Variants in RBFOX1 observed in about 807,000 individuals in gnomAD.
The protein encoded by RBFOX1 is RNA binding fox-1 homolog 1, also known as RNA binding protein fox-1 homolog 1.
RBFOX1 carries 8 observed loss-of-function variants against 57.7 expected under a neutral mutation model. The observed-to-expected ratio is 0.14, with a 90% CI of 0.08 to 0.25. The LOEUF is 0.25. RBFOX1 is among the 10% of genes least tolerant of loss of function. The pLI is 1.00. For synonymous variants in RBFOX1, 326 were observed against 222.4 expected, an observed-to-expected ratio of 1.47 and a Z score of -4.15; for missense variants, 611 against 548.5, an observed-to-expected ratio of 1.11 and a Z score of -1.14.
intron 1 of RBFOX1, among the ~76,000 whole-genome samples, chr16:6,102,725 T>C (rs1285943154): frequency 6.6e-6 from 1 of 152,234 alleles, no homozygotes; most frequent in Non-Finnish European, 1.5e-5. Flanking sequence ...TTTCCAAGTG[T>C]GTTACCTTTA....
chr16:7,058,005 GGAAA>G (rs2052964168), intron 4 of RBFOX1, among the ~76,000 whole-genome samples: 7 of 121,604 alleles, frequency 5.8e-5, no homozygotes, highest in East Asian at 2.4e-4. Flanking sequence ...GAGACTGTGG[GGAAA>G]AAAAAAAAAA....
chr16:5,451,359 G>A (rs1214145609), intron 1 of RBFOX1, among the ~76,000 whole-genome samples: 3 of 152,292 alleles, frequency 2.0e-5, no homozygotes, highest in Admixed American at 1.3e-4. Flanking sequence ...CCACTGTGGC[G>A]AAAAATAATG....
intron 1 of RBFOX1, among the ~76,000 whole-genome samples, chr16:6,093,873 G>C (rs562245537): frequency 6.6e-5 from 10 of 151,482 alleles, no homozygotes; most frequent in Admixed American, 6.6e-4. Flanking sequence ...TCCCTCCTCC[G>C]CCTCCCAAAG....
chr16:7,193,935 A>G (rs2086054982), intron 4 of RBFOX1, among the ~76,000 whole-genome samples: 2 of 152,168 alleles, frequency 1.3e-5, no homozygotes, highest in Admixed American at 1.3e-4. Flanking sequence ...AAAATATAGT[A>G]GCATCTATCT....
intron 1 of RBFOX1, among the ~76,000 whole-genome samples, chr16:6,268,382 C>G (rs1266227964): frequency 6.8e-6 from 1 of 146,198 alleles, no homozygotes; most frequent in African/African-American, 2.7e-5. Flanking sequence ...CCCTAACTGT[C>G]TTGGTATGAA....
chr16:6,562,880 C>CTTTCTTTTTTTTT (rs746999419), intron 2 of RBFOX1, among the ~76,000 whole-genome samples: 2 of 51,778 alleles, frequency 3.9e-5, no homozygotes, highest in Non-Finnish European at 3.9e-5. Flanking sequence ...TTCTTTCTTT[C>CTTTCTTTTTTTTT]TTTTTTTTTT....
At chr16:6,054,401 A>G (rs1482391444) in intron 1 of RBFOX1, among the ~76,000 whole-genome samples, 1 of 152,170 alleles carries the variant, frequency 6.6e-6, no homozygotes, top group African/African-American at 2.4e-5. Flanking sequence ...TCAACCATTG[A>G]TTTAAACACA....
intron 2 of RBFOX1, among the ~76,000 whole-genome samples, chr16:6,617,919 C>G (rs747462162): frequency 7.2e-5 from 11 of 152,116 alleles, no homozygotes; most frequent in Non-Finnish European, 1.5e-4. Context: ...ACAGCAAAAA[C>G]AAAACTTTTC....
intron 2 of RBFOX1, among the ~76,000 whole-genome samples, chr16:5,528,962 A>C (rs566589621): frequency 2.0e-5 from 3 of 151,540 alleles, no homozygotes; most frequent in Admixed American, 6.6e-5. Context: ...CAATTCTCTA[A>C]TTTTCTATTA....
intron 3 of RBFOX1, among the ~76,000 whole-genome samples, chr16:6,662,903 T>C (rs2098710371): frequency 6.6e-6 from 1 of 152,216 alleles, no homozygotes; most frequent in Non-Finnish European, 1.5e-5. Context: ...AAAACATTTA[T>C]TGAGAACAGA....
chr16:6,339,834 C>G (rs542821774), intron 2 of RBFOX1, among the ~76,000 whole-genome samples: 2 of 151,500 alleles, frequency 1.3e-5, no homozygotes, highest in Non-Finnish European at 2.9e-5. Flanking sequence ...CCATGCCCAG[C>G]TGATTTTTTT....
At chr16:6,348,899 C>G (rs2085816637) in intron 2 of RBFOX1, among the ~76,000 whole-genome samples, 1 of 152,126 alleles carries the variant, frequency 6.6e-6, no homozygotes, top group African/African-American at 2.4e-5. Context: ...CCAGGAAAAG[C>G]AGATTTCAGG....
chr16:7,332,582 T>C (rs1282265613), intron 4 of RBFOX1, among the ~76,000 whole-genome samples: 1 of 152,128 alleles, frequency 6.6e-6, no homozygotes, highest in Non-Finnish European at 1.5e-5. Flanking sequence ...GTAGACCCCA[T>C]CCCTTGCTCT....
chr16:5,297,403 T>A (rs1377491165), intron 1 of RBFOX1, among the ~76,000 whole-genome samples: 1 of 152,186 alleles, frequency 6.6e-6, no homozygotes, highest in East Asian at 1.9e-4. Flanking sequence ...CACCAACACT[T>A]GTTATCTTTC....
chr16:7,509,125 C>G (rs1488591676), intron 4 of RBFOX1, among the ~76,000 whole-genome samples: 2 of 152,132 alleles, frequency 1.3e-5, no homozygotes, highest in Admixed American at 1.3e-4. Flanking sequence ...TTTTTGCTCA[C>G]TGGGAGAGAA....
chr16:6,776,943 A>G (rs561003969), intron 3 of RBFOX1, among the ~76,000 whole-genome samples: 1 of 152,218 alleles, frequency 6.6e-6, no homozygotes, highest in African/African-American at 2.4e-5. Context: ...TGTATTGTTC[A>G]TAAATTATCT....
intron 1 of RBFOX1, among the ~76,000 whole-genome samples, chr16:5,342,629 G>GAA (rs1213811534): frequency 6.6e-6 from 1 of 152,182 alleles, no homozygotes; most frequent in Non-Finnish European, 1.5e-5. Context: ...GTACCACTGA[G>GAA]AACAGTTCTT....
At chr16:6,401,463 A>T (rs748576956) in intron 2 of RBFOX1, among the ~76,000 whole-genome samples, 2 of 152,224 alleles carry the variant, frequency 1.3e-5, no homozygotes, top group African/African-American at 4.8e-5. Context: ...CCAACATTGG[A>T]CTGTGATCAT....
At chr16:5,474,529 C>T (rs2069251332) in intron 2 of RBFOX1, among the ~76,000 whole-genome samples, 2 of 152,206 alleles carry the variant, frequency 1.3e-5, no homozygotes, top group Middle Eastern at 6.8e-3. Context: ...TGGTGGGCAC[C>T]TGTAATCCCA....
Sources: gnomAD v4.1 joint callset for allele counts (sites outside exome capture counted in the v4.1 genomes callset) on GRCh38, gnomAD v4.1.1 for gene constraint, MANE v1.5 for transcripts, NCBI Gene and HGNC (gene_info 2026-07-23, HGNC 2026-07-21) for gene names.